TEKTL1: variants seen among roughly 807,000 people sequenced by gnomAD.
The protein encoded by TEKTL1 is tektin like 1.
the TEKTL1 span, among the ~76,000 whole-genome samples, chr19:15,013,464 G>A: frequency 1.3e-5 from 2 of 152,016 alleles, no homozygotes; most frequent in African/African-American, 2.4e-5. Flanking sequence ...AAGCTCCAGA[G>A]AGCAAGACCC....
chr19:15,014,740 G>GGGGT, the TEKTL1 span, among the ~76,000 whole-genome samples: 1 of 124,780 alleles, frequency 8.0e-6, no homozygotes, highest in Non-Finnish European at 1.7e-5. Flanking sequence ...GCGGGGGGCG[G>GGGGT]GGGCTGCTGA....
At chr19:15,021,251 C>T in the TEKTL1 span, 37 of 1,448,176 alleles carry the variant, frequency 2.6e-5, no homozygotes, top group South Asian at 3.8e-4. Context: ...CTCAATAAAA[C>T]CCCCTCGCCC....
the TEKTL1 span, among the ~76,000 whole-genome samples, chr19:15,014,587 C>T: frequency 6.6e-5 from 10 of 151,662 alleles, no homozygotes; most frequent in East Asian, 1.7e-3. Context: ...AGCATTGGAC[C>T]TTGAAGGCAG....
chr19:15,010,832 G>A, the TEKTL1 span: 3 of 1,537,944 alleles, frequency 2.0e-6, no homozygotes, highest in Admixed American at 2.0e-5. Flanking sequence ...GACCATGCGC[G>A]TGTTGGTACC....
At chr19:15,013,678 G>A in the TEKTL1 span, 8 of 1,612,480 alleles carry the variant, frequency 5.0e-6, no homozygotes, top group Non-Finnish European at 6.8e-6. Flanking sequence ...CTAGGTCCCT[G>A]ACAAAGCTGA....
the TEKTL1 span, among the ~76,000 whole-genome samples, chr19:15,019,059 C>T: frequency 6.6e-6 from 1 of 152,010 alleles, no homozygotes; most frequent in Admixed American, 6.6e-5. Flanking sequence ...GGTGACCCCC[C>T]CACCTCAGCC....
chr19:15,011,226 G>A, the TEKTL1 span: 3 of 1,477,598 alleles, frequency 2.0e-6, no homozygotes, highest in Non-Finnish European at 8.9e-7. Context: ...CGTGGAGCGC[G>A]CCTCACCGCC....
chr19:15,021,633 G>A, the TEKTL1 span: 3 of 1,614,082 alleles, frequency 1.9e-6, no homozygotes, highest in Non-Finnish European at 1.7e-6. Context: ...TAAATATGAC[G>A]TTAGGACTGA....
At chr19:15,020,814 C>T in the TEKTL1 span, among the ~76,000 whole-genome samples, 59 of 152,154 alleles carry the variant, frequency 3.9e-4, no homozygotes, top group East Asian at 7.7e-4. Context: ...CACATTGTCA[C>T]TCAGCTTTTC....
chr19:15,011,008 C>T, the TEKTL1 span: 3 of 1,586,402 alleles, frequency 1.9e-6, no homozygotes, highest in Admixed American at 3.5e-5. Flanking sequence ...TGGCCCACCA[C>T]CTCGGCCGCG....
the TEKTL1 span, among the ~76,000 whole-genome samples, chr19:15,019,182 C>G: frequency 6.6e-6 from 1 of 152,148 alleles, no homozygotes; most frequent in East Asian, 1.9e-4. Context: ...CTCCTAGGCT[C>G]AAGCGATCCT....
At chr19:15,021,352 G>C in the TEKTL1 span, 1 of 1,613,878 alleles carries the variant, frequency 6.2e-7, no homozygotes, top group Non-Finnish European at 8.5e-7. Context: ...GGCATTTGCA[G>C]CGTGCGCCTT....
the TEKTL1 span, chr19:15,011,469 C>T: frequency 7.9e-7 from 1 of 1,271,866 alleles, no homozygotes; most frequent in Non-Finnish European, 1.0e-6. Context: ...TGTCCAGCCC[C>T]GGGGAAATCC....
At chr19:15,016,168 T>C in the TEKTL1 span, among the ~76,000 whole-genome samples, 13 of 146,118 alleles carry the variant, frequency 8.9e-5, no homozygotes, top group Non-Finnish European at 1.5e-5. Flanking sequence ...TCCGTGGTGC[T>C]GAACTGGACA....
At chr19:15,020,731 C>T in the TEKTL1 span, 2 of 1,325,794 alleles carry the variant, frequency 1.5e-6, no homozygotes, top group South Asian at 2.7e-5. Flanking sequence ...AGCCCGTCGC[C>T]CACTTAGCTG....
At chr19:15,016,391 T>G in the TEKTL1 span, among the ~76,000 whole-genome samples, 2 of 146,262 alleles carry the variant, frequency 1.4e-5, no homozygotes, top group Non-Finnish European at 3.0e-5. Context: ...GGTTTCACCA[T>G]GTGCGCCAGG....
the TEKTL1 span, among the ~76,000 whole-genome samples, chr19:15,016,105 T>TGA: frequency 1.3e-5 from 2 of 149,076 alleles, no homozygotes; most frequent in Non-Finnish European, 3.0e-5. Flanking sequence ...AGGGACAGGC[T>TGA]GAGGGTCGAG....
At chr19:15,021,561 G>A in the TEKTL1 span, 34 of 1,613,452 alleles carry the variant, frequency 2.1e-5, no homozygotes, top group African/African-American at 2.7e-5. Flanking sequence ...GTGGGACAGG[G>A]GAGGAGACGC....
chr19:15,010,854 G>A, the TEKTL1 span: 2 of 1,548,520 alleles, frequency 1.3e-6, no homozygotes, highest in East Asian at 2.4e-5. Flanking sequence ...CCGGCTGAGC[G>A]CAGCCAGGAC....
Sources: allele counts gnomAD v4.1 joint callset (sites outside exome capture counted in the v4.1 genomes callset), GRCh38; gene constraint gnomAD v4.1.1; transcripts MANE v1.5; gene names NCBI Gene and HGNC (gene_info 2026-07-23, HGNC 2026-07-21).